Variants in RAD51B observed in about 807,000 individuals in gnomAD.
RAD51B encodes RAD51 paralog B.
Under a neutral mutation model 42.2 loss-of-function variants are expected in RAD51B, and 38 were observed. The ratio of observed to expected loss-of-function variants is 0.90; its 90% CI spans 0.70 to 1.18. RAD51B has a LOEUF of 1.18. Ranked by LOEUF, RAD51B falls within the 50% of genes most tolerant of loss-of-function variation. The probability of loss-of-function intolerance (pLI) is 0.00; values close to 1 mark genes in which losing one functional copy is unlikely to be tolerated. For missense variants in RAD51B, 373 were observed against 400.7 expected (o/e 0.93, Z 0.59); for synonymous variants, 154 against 145.2 (o/e 1.06, Z -0.43).
chr14:67,926,278 G>C (rs1351233978), intron 7 of RAD51B, among the ~76,000 whole-genome samples: 1 of 152,124 alleles, frequency 6.6e-6, no homozygotes, highest in Non-Finnish European at 1.5e-5. Flanking sequence ...ATACTTTGCT[G>C]CTTAGAAATT....
intron 7 of RAD51B, among the ~76,000 whole-genome samples, chr14:68,268,638 CT>C (rs1357783617): frequency 1.3e-5 from 2 of 152,202 alleles, no homozygotes. Flanking sequence ...AGCTCTATCT[CT>C]AAATATCTAC....
intron 11 of RAD51B, among the ~76,000 whole-genome samples, chr14:68,656,861 C>T (rs774540694): frequency 6.6e-5 from 10 of 152,194 alleles, no homozygotes; most frequent in Non-Finnish European, 1.3e-4. Flanking sequence ...TGTTCCCATT[C>T]ACTATGCGGG....
At chr14:67,909,180 A>G (rs1041887580) in intron 7 of RAD51B, among the ~76,000 whole-genome samples, 1 of 152,242 alleles carries the variant, frequency 6.6e-6, no homozygotes, top group African/African-American at 2.4e-5. Context: ...GAAGCCATAA[A>G]GTTTGAAAAC....
In RAD51B at chr14:68,271,137, C is replaced by G. The variant is rs566010395; in HGVS notation, c.757-20747C>G. On this transcript the variant is annotated intron_variant, in intron 7 of 10. Transcript: ENST00000471583. ...TGTTTCCCATAGTAATGATCACTTT[C>G]TAACATACTGTATCATTTGTCATTT... Among the ~76,000 whole-genome samples, 12 of 152,332 alleles carry G rather than the reference C, an allele frequency of 7.9e-5. No individual in the cohort carries two copies. In the South Asian group the frequency reaches 2.5e-3, roughly 32 times the overall value.
intron 7 of RAD51B, among the ~76,000 whole-genome samples, chr14:68,181,996 C>T (rs1296372410): frequency 6.6e-6 from 1 of 152,080 alleles, no homozygotes; most frequent in African/African-American, 2.4e-5. Flanking sequence ...ATGATGTATG[C>T]ATTATATAGA....
At chr14:68,163,688 A>G (rs999700714) in intron 7 of RAD51B, among the ~76,000 whole-genome samples, 2 of 152,070 alleles carry the variant, frequency 1.3e-5, no homozygotes, top group Non-Finnish European at 2.9e-5. Context: ...TTCTTAATTC[A>G]TATCCTCATC....
chr14:68,476,500 G>A (rs773482718), intron 10 of RAD51B, among the ~76,000 whole-genome samples: 4 of 152,154 alleles, frequency 2.6e-5, no homozygotes. Flanking sequence ...AAATCATTTC[G>A]CCACTTAGTG....
chr14:68,286,607 C>T lies in RAD51B; in HGVS notation c.757-5277C>T, dbSNP rs2081418861. ...TTCTCTTCACCTGTACATTCTAGTA[C>T]TCATGGAAGGCTCCAGTATACAAAA... is the stretch of plus-strand genomic sequence containing the variant. On this transcript the variant is annotated intron_variant, in intron 7 of 10. Coordinates refer to ENST00000471583, the MANE Select transcript of RAD51B (RefSeq NM_133510.4). Among the ~76,000 whole-genome samples, 3 of 152,330 alleles carry T rather than the reference C, an allele frequency of 2.0e-5. No homozygotes were observed. In the South Asian group the frequency reaches 6.2e-4, roughly 32 times the overall value.
At chr14:68,321,447 T>G (rs542020334) in intron 8 of RAD51B, among the ~76,000 whole-genome samples, 1 of 152,320 alleles carries the variant, frequency 6.6e-6, no homozygotes, top group Non-Finnish European at 1.5e-5. Flanking sequence ...CCACAGGGGC[T>G]TTCAGAAACA....
intron 7 of RAD51B, among the ~76,000 whole-genome samples, chr14:67,905,512 A>G (rs890988908): frequency 8.5e-5 from 13 of 152,144 alleles, no homozygotes; most frequent in African/African-American, 3.1e-4. Context: ...CAGTATAGCC[A>G]TTTTAACAAT....
intron 9 of RAD51B, among the ~76,000 whole-genome samples, chr14:68,461,769 T>C (rs2085852204): frequency 1.3e-5 from 2 of 152,216 alleles, no homozygotes; most frequent in African/African-American, 4.8e-5. Context: ...AGCTGACAGC[T>C]TATTTACTAA....
At chr14:68,095,941 C>T (rs1400636936) in intron 7 of RAD51B, among the ~76,000 whole-genome samples, 2 of 136,360 alleles carry the variant, frequency 1.5e-5, no homozygotes, top group Admixed American at 8.2e-5. Context: ...TGCCTCTCTC[C>T]AGCCTGGGTG....
chr14:68,217,483 A>C (rs17105187), intron 7 of RAD51B, among the ~76,000 whole-genome samples: 2,943 of 152,270 alleles, frequency 0.019, 102 homozygotes, highest in African/African-American at 0.068. Flanking sequence ...ATGCGGGTGC[A>C]TGGTCCAGGG....
chr14:68,272,584 G>A (rs8015139), intron 7 of RAD51B, among the ~76,000 whole-genome samples: 1 of 124,096 alleles, frequency 8.1e-6, no homozygotes, highest in South Asian at 2.9e-4. Flanking sequence ...TATGTTTTCT[G>A]TATAAAAAAT....
At chr14:67,980,409 C>T (rs972956790) in intron 7 of RAD51B, among the ~76,000 whole-genome samples, 1 of 152,082 alleles carries the variant, frequency 6.6e-6, no homozygotes, top group African/African-American at 2.4e-5. Context: ...GCGCCATTGC[C>T]CTCCAGCTGG....
chr14:68,235,512 G>A (rs1223008943), intron 7 of RAD51B, among the ~76,000 whole-genome samples: 2 of 151,204 alleles, frequency 1.3e-5, no homozygotes, highest in Non-Finnish European at 2.9e-5. Context: ...AGACCATCCC[G>A]GCTAAAACGG....
At chr14:68,509,031 T>C (rs987340809) in intron 10 of RAD51B, among the ~76,000 whole-genome samples, 2 of 152,128 alleles carry the variant, frequency 1.3e-5, no homozygotes, top group African/African-American at 4.8e-5. Context: ...AGGCAAGAGC[T>C]GTCTTAGAGG....
chr14:68,237,950 G>A (rs190184216), intron 7 of RAD51B, among the ~76,000 whole-genome samples: 1 of 151,948 alleles, frequency 6.6e-6, no homozygotes, highest in Non-Finnish European at 1.5e-5. Flanking sequence ...GGCCAAGATG[G>A]TCTCGATCTC....
intron 7 of RAD51B, among the ~76,000 whole-genome samples, chr14:67,938,780 C>T (rs938432632): frequency 2.0e-5 from 3 of 152,164 alleles, no homozygotes; most frequent in African/African-American, 7.2e-5. Context: ...AGACGGACTC[C>T]TTAGCACTGT....
Sources: allele counts gnomAD v4.1 joint callset (sites outside exome capture counted in the v4.1 genomes callset), GRCh38; gene constraint gnomAD v4.1.1; transcripts MANE v1.5; gene names NCBI Gene and HGNC (gene_info 2026-07-23, HGNC 2026-07-21).